The following KPNA5 variants were observed in gnomAD, a reference collection of about 807,000 sequenced individuals.
KPNA5 encodes the protein importin subunit alpha-6.
In KPNA5, 46 loss-of-function variants were observed where a neutral mutation model predicts 71.3. The ratio of observed to expected loss-of-function variants is 0.65; its 90% CI spans 0.51 to 0.83. The LOEUF (loss-of-function observed/expected upper bound fraction) is 0.83, where lower values mean the gene tolerates loss of function less well. Among genes scored for constraint, KPNA5 ranks in the 40% least tolerant of loss-of-function variants. KPNA5 has a pLI of 0.00. For missense variants in KPNA5, 547 were observed against 628.3 expected, an observed-to-expected ratio of 0.87 and a Z score of 1.38; for synonymous variants, 207 against 201.4, an observed-to-expected ratio of 1.03 and a Z score of -0.24.
At chr6:116,700,425 A>G (rs6918299) in intron 5 of KPNA5, among the ~76,000 whole-genome samples, 42,412 of 151,994 alleles carry the variant, frequency 0.28, 6,662 homozygotes, top group African/African-American at 0.43. Flanking sequence ...AGCTGTGATC[A>G]CACCACTGCA....
At chr6:116,709,585 TTTTTGTTGC>T (rs1778575944) in intron 7 of KPNA5, among the ~76,000 whole-genome samples, 1 of 152,214 alleles carries the variant, frequency 6.6e-6, no homozygotes, top group African/African-American at 2.4e-5. Context: ...GTGTGAATTC[TTTTTGTTGC>T]ACAGTTGCTT....
At chr6:116,693,408 AC>A (rs1282733083) in intron 4 of KPNA5, among the ~76,000 whole-genome samples, 15 of 152,190 alleles carry the variant, frequency 9.9e-5, no homozygotes, top group Non-Finnish European at 2.2e-4. Context: ...TTGTTTCCTA[AC>A]TTTTTAATGA....
chr6:116,716,146 A>C, intron 7 of KPNA5, 73 bp from the exon 8 acceptor site: 1 of 1,100,888 alleles, frequency 9.1e-7, no homozygotes, highest in East Asian at 2.4e-5. Flanking sequence ...TTGGAGAGAA[A>C]TTTTGTATTA....
chr6:116,713,430 C>G (rs918069452), intron 7 of KPNA5, among the ~76,000 whole-genome samples: 2 of 152,102 alleles, frequency 1.3e-5, no homozygotes, highest in Non-Finnish European at 2.9e-5. Flanking sequence ...GGCTATTGAT[C>G]TTTATGAGGA....
chr6:116,723,099 A>C (rs1037037331), intron 9 of KPNA5, among the ~76,000 whole-genome samples: 2 of 152,228 alleles, frequency 1.3e-5, no homozygotes, highest in Admixed American at 1.3e-4. Context: ...ACTTGGAGCC[A>C]GCACATCATG....
At chr6:116,702,961 CTGT>C (rs1330325125) in intron 6 of KPNA5, among the ~76,000 whole-genome samples, 2 of 151,984 alleles carry the variant, frequency 1.3e-5, no homozygotes, top group South Asian at 2.1e-4. Context: ...GTACATAAAT[CTGT>C]TGTTCTGTCT....
At chr6:116,719,520 G>A (rs1779025926) in intron 8 of KPNA5, among the ~76,000 whole-genome samples, 1 of 152,086 alleles carries the variant, frequency 6.6e-6, no homozygotes. Context: ...GGTAGATTGG[G>A]TTGAGGTATA....
chr6:116,722,646 T>C (rs1779153364), intron 9 of KPNA5, among the ~76,000 whole-genome samples: 1 of 152,208 alleles, frequency 6.6e-6, no homozygotes, highest in Non-Finnish European at 1.5e-5. Flanking sequence ...ACAAATAATC[T>C]AGTTTATTAT....
chr6:116,684,605 C>T (rs1443326921), intron 1 of KPNA5, among the ~76,000 whole-genome samples: 3 of 152,162 alleles, frequency 2.0e-5, no homozygotes, highest in African/African-American at 7.2e-5. Flanking sequence ...TGACCTACTT[C>T]TTTTTGGTTT....
chr6:116,699,252 A>G (rs955281854), intron 5 of KPNA5, among the ~76,000 whole-genome samples: 2 of 152,138 alleles, frequency 1.3e-5, no homozygotes, highest in African/African-American at 4.8e-5. Context: ...TAAGTTTGTC[A>G]TAAAGAACAT....
chr6:116,725,783 C>T lies in KPNA5; in HGVS notation c.1032C>T (p.Leu344=). The part of the protein sequence containing the change: ...VILNCSALPC[L]LHLLSSPKES... ...TGAATTGTTCTGCATTACCCTGTCT[C>T]TTACATTTATTGAGTAGCCCAAAGG... Residue 344 remains leucine, a synonymous_variant, in exon 11 of 14, where the codon CTC becomes CTT. Coordinates refer to ENST00000368564, the MANE Select transcript of KPNA5 (RefSeq NM_001366306.2). 6.2e-7 allele frequency: 1 copy of T among 1,613,070 alleles called. No homozygotes were observed. The highest frequency in any genetic ancestry group is 8.5e-7 in the Non-Finnish European group (1 of 1,179,478).
intron 7 of KPNA5, among the ~76,000 whole-genome samples, chr6:116,710,163 T>A (rs1486573982): frequency 1.3e-5 from 2 of 152,208 alleles, no homozygotes; most frequent in African/African-American, 2.4e-5. Flanking sequence ...TATGGTTTAT[T>A]ATTTTGATTG....
At chr6:116,695,745 C>G (rs965891343) in intron 4 of KPNA5, among the ~76,000 whole-genome samples, 1 of 152,118 alleles carries the variant, frequency 6.6e-6, no homozygotes, top group Non-Finnish European at 1.5e-5. Context: ...CAATACTTCA[C>G]AGTTTTGGTT....
intron 4 of KPNA5, among the ~76,000 whole-genome samples, chr6:116,696,957 TATATC>T (rs1367723402): frequency 3.3e-5 from 5 of 151,988 alleles, no homozygotes; most frequent in Non-Finnish European, 5.9e-5. Context: ...TGGGGGGGTA[TATATC>T]ATATCATATC....
chr6:116,696,851 G>A (rs1403855099), intron 4 of KPNA5, among the ~76,000 whole-genome samples: 1 of 151,800 alleles, frequency 6.6e-6, no homozygotes, highest in African/African-American at 2.4e-5. Flanking sequence ...CAATCCAAGT[G>A]CACTTTAATT....
At chr6:116,696,180 A>G (rs939228927) in intron 4 of KPNA5, among the ~76,000 whole-genome samples, 10 of 152,154 alleles carry the variant, frequency 6.6e-5, no homozygotes, top group African/African-American at 1.9e-4. Flanking sequence ...CACAGAGACA[A>G]TTGTGTTCTC....
intron 12 of KPNA5, among the ~76,000 whole-genome samples, chr6:116,729,279 A>G (rs1370696654): frequency 6.6e-6 from 1 of 151,542 alleles, no homozygotes; most frequent in Non-Finnish European, 1.5e-5. Context: ...AGCACCATGA[A>G]AAACAGGCCG....
chr6:116,723,713 A>T (rs1036260608), intron 9 of KPNA5, among the ~76,000 whole-genome samples: 4 of 152,230 alleles, frequency 2.6e-5, no homozygotes, highest in African/African-American at 7.2e-5. Context: ...TGGTAATAAT[A>T]CTAATAATTA....
intron 8 of KPNA5, among the ~76,000 whole-genome samples, chr6:116,721,762 G>A (rs926962649): frequency 5.9e-5 from 9 of 152,140 alleles, no homozygotes; most frequent in Non-Finnish European, 1.3e-4. Flanking sequence ...AGTACAGTGA[G>A]GCTCATTAAA....
Sources: allele counts gnomAD v4.1 joint callset (sites outside exome capture counted in the v4.1 genomes callset), GRCh38; gene constraint gnomAD v4.1.1; transcripts MANE v1.5; gene names NCBI Gene and HGNC (gene_info 2026-07-23, HGNC 2026-07-21).